ENAH: variants seen among roughly 807,000 people sequenced by gnomAD.
ENAH encodes protein enabled homolog.
Under a neutral mutation model 78.7 loss-of-function variants are expected in ENAH, and 23 were observed. That is an observed-to-expected ratio of 0.29 (90% CI 0.21 to 0.41). ENAH has a LOEUF of 0.41. Among genes scored for constraint, ENAH ranks in the 10% least tolerant of loss-of-function variants. The pLI, the probability that ENAH is intolerant of heterozygous loss-of-function variation, is 1.00. For missense variants in ENAH, 544 were observed against 691.0 expected, an observed-to-expected ratio of 0.79 and a Z score of 2.39; for synonymous variants, 226 against 241.0, an observed-to-expected ratio of 0.94 and a Z score of 0.58.
chr1:225,517,803 G>T (rs1404960525), intron 5 of ENAH: 1 of 1,551,412 alleles, frequency 6.4e-7, no homozygotes, highest in Admixed American at 2.0e-5. Flanking sequence ...GTGTCGCTGA[G>T]TGTCGCAGTG....
intron 3 of ENAH, among the ~76,000 whole-genome samples, chr1:225,546,635 G>C (rs556464441): frequency 1.3e-5 from 2 of 152,152 alleles, no homozygotes; most frequent in African/African-American, 4.8e-5. Flanking sequence ...CTAAGGAAGC[G>C]GCTGAAAATT....
chr1:225,651,250 C>T (rs1253100052), intron 1 of ENAH, among the ~76,000 whole-genome samples: 1 of 151,980 alleles, frequency 6.6e-6, no homozygotes, highest in Non-Finnish European at 1.5e-5. Flanking sequence ...CCACATTAAA[C>T]TCACTCTTTA....
chr1:225,533,614 T>C (rs2096548297), intron 3 of ENAH, among the ~76,000 whole-genome samples: 1 of 152,124 alleles, frequency 6.6e-6, no homozygotes, highest in Non-Finnish European at 1.5e-5. Context: ...TCTTAATTTG[T>C]CCTGGCTACA....
intron 2 of ENAH, among the ~76,000 whole-genome samples, chr1:225,557,891 G>A (rs1291277950): frequency 5.9e-5 from 9 of 151,920 alleles, no homozygotes; most frequent in Admixed American, 5.9e-4. Context: ...CTTTTATCTG[G>A]GGAAAAACCC....
At chr1:225,595,629 GCTGA>G (rs1459871717) in intron 1 of ENAH, among the ~76,000 whole-genome samples, 8 of 152,160 alleles carry the variant, frequency 5.3e-5, no homozygotes, top group East Asian at 1.9e-4. Flanking sequence ...ATTTGTAGCA[GCTGA>G]CTATCAGCTG....
Position 225,494,285 on chromosome 1 carries a change from A to G in ENAH, c.*3490T>C, listed in dbSNP as rs1339333496. The G allele has an allele frequency of 6.6e-6, 1 of 152,060 alleles. No homozygotes were observed. Among genetic ancestry groups the G allele is most frequent in the African/African-American group, 2.4e-5 (1 of 41,394 alleles). 9.4% of individuals were successfully genotyped at this position (152,060 alleles called of 1,614,324 possible). The stretch of plus-strand genomic sequence containing the variant: ...TTATAAAATGGAACTCAAAATTAAT[A>G]CTTTATAATAGAGAAAAAGTACTAC... On this transcript the variant is annotated 3_prime_UTR_variant, in exon 14 of 14. Transcript: ENST00000366843.
intron 4 of ENAH, 143 bp from the exon 5 acceptor site, chr1:225,519,708 C>T: frequency 8.0e-7 from 1 of 1,256,898 alleles, no homozygotes; most frequent in South Asian, 1.5e-5. Flanking sequence ...CACATGAAGG[C>T]TACCTTGGAT....
chr1:225,640,272 CAT>C (rs1302028142), intron 1 of ENAH, among the ~76,000 whole-genome samples: 16 of 152,300 alleles, frequency 1.1e-4, no homozygotes, highest in East Asian at 3.9e-4. Flanking sequence ...TAATTTAACA[CAT>C]AGTTGCAACC....
intron 4 of ENAH, among the ~76,000 whole-genome samples, chr1:225,529,071 C>T (rs1320229226): frequency 2.0e-5 from 3 of 152,196 alleles, no homozygotes; most frequent in African/African-American, 7.2e-5. Flanking sequence ...CACAACACTG[C>T]ACCTGCCTCA....
chr1:225,528,514 G>A (rs1421613865), intron 4 of ENAH, among the ~76,000 whole-genome samples: 1 of 152,180 alleles, frequency 6.6e-6, no homozygotes, highest in Non-Finnish European at 1.5e-5. Context: ...GAGATGACAA[G>A]ACAGGAGTGT....
At chr1:225,564,060 C>T (rs2096722191) in intron 2 of ENAH, among the ~76,000 whole-genome samples, 2 of 151,780 alleles carry the variant, frequency 1.3e-5, no homozygotes, top group Non-Finnish European at 2.9e-5. Flanking sequence ...TTCTTTTTTT[C>T]ATTCCTAAAA....
chr1:225,514,861 G>T lies in ENAH; in HGVS notation c.953C>A (p.Pro318Gln), dbSNP rs766756639. 2.5e-6 allele frequency: 4 copies of T among 1,604,828 alleles called. No individual in the cohort carries two copies. The South Asian group carries it at 4.5e-5, about 18-fold the overall frequency. ...LGPLAPPPPP[P>Q]LPPGPAQASV... ...AGCCTGTGCAGGCCCTGGTGGGAGT[G>T]GTGGAGGAGGTGGAGGTGCAAGTGG... is the stretch of plus-strand genomic sequence containing the variant. Residue 318 changes from proline (P) to glutamine (Q), a missense_variant, in exon 7 of 14, where the codon CCA (proline) becomes CAA (glutamine). Pro to Gln is a moderately conservative substitution (Grantham distance 76). Coordinates refer to ENST00000366843, the MANE Select transcript of ENAH (RefSeq NM_018212.6).
chr1:225,633,030 A>C (rs1200084521), intron 1 of ENAH, among the ~76,000 whole-genome samples: 2 of 148,672 alleles, frequency 1.3e-5, no homozygotes, highest in African/African-American at 5.0e-5. Context: ...TTAAACTGTC[A>C]CTCAAAGTCT....
At position 225,488,377 on chromosome 1, in the gene ENAH, T is replaced by A. The variant is rs929165016; in HGVS notation, c.*9398A>T. On this transcript the variant is annotated 3_prime_UTR_variant, in exon 14 of 14. Coordinates refer to ENST00000366843, the MANE Select transcript of ENAH (RefSeq NM_018212.6). ...GCAACAGAAAGCTTCCAATGAGAAC[T>A]CAGAAGGCATTCACTCTGCCTGAAG... The A allele has an allele frequency of 1.3e-5, 2 of 152,056 alleles. No homozygotes were observed. Among genetic ancestry groups the A allele is most frequent in the African/African-American group, 2.4e-5 (1 of 41,394 alleles). The allele number at this position is 152,056 out of a possible 1,614,324, so 9.4% of individuals were successfully genotyped here.
rs1558744429 is a variant in ENAH, at chr1:225,519,386, T to C, written c.614A>G (p.Glu205Gly). ...CTGCCGCTCCAGGCGTTCCTGCCGC[T>C]CCAGGCGTTCCTGCCGTTCCCGTTC... ...RQERERQERL[E>G]RQERLERQER... Residue 205 changes from glutamate (E) to glycine (G), a missense_variant, in exon 5 of 14, where the codon GAG becomes GGG. Glu to Gly is a moderately conservative substitution (Grantham distance 98, BLOSUM62 -2). Transcript: ENST00000366843. 1 of 1,612,650 alleles carries C rather than the reference T, an allele frequency of 6.2e-7. No homozygotes were observed. The highest frequency in any genetic ancestry group is 1.1e-5 in the South Asian group (1 of 91,052).
chr1:225,643,553 A>C lies in ENAH; in HGVS notation c.5+9133T>G, dbSNP rs531230035. Among the ~76,000 whole-genome samples, 10 of 152,320 alleles carry C rather than the reference A, an allele frequency of 6.6e-5. No individual in the cohort carries two copies. The South Asian group carries it at 2.1e-3, about 32-fold the overall frequency. On this transcript the variant is annotated intron_variant, in intron 1 of 13. Coordinates refer to ENST00000366843, the MANE Select transcript of ENAH (RefSeq NM_018212.6). ...AATAATGGAACAAATCTAAAAGTCCATCTTTAAGATTTAAGTAGACAAAGT... is the reference window on the plus strand; with the variant it reads ...AATAATGGAACAAATCTAAAAGTCCCTCTTTAAGATTTAAGTAGACAAAGT...
In ENAH at chr1:225,495,071, C is replaced by T. The variant is rs2096243060; in HGVS notation, c.*2704G>A. The T allele has an allele frequency of 6.6e-6, 1 of 152,602 alleles. No homozygotes were observed. 9.5% of individuals were successfully genotyped at this position (152,602 alleles called of 1,614,324 possible). ...TATTCTGAAGAGATTTCAGCACCAG[C>T]ACTAAGATTTGTACATTCAGTTTGT... On this transcript the variant is annotated 3_prime_UTR_variant, in exon 14 of 14. Transcript: ENST00000366843.
chr1:225,554,898 C>T lies in ENAH; in HGVS notation c.349+8G>A, dbSNP rs2096658965. The T allele has an allele frequency of 6.6e-7, 1 of 1,514,396 alleles. No homozygotes were observed. Among genetic ancestry groups the T allele is most frequent in the African/African-American group, 1.4e-5 (1 of 73,718 alleles). The allele number at this position is 1,514,396 out of a possible 1,614,324, so 93.8% of individuals were successfully genotyped here. On this transcript the variant is annotated splice_region_variant and intron_variant, in intron 3 of 13. Transcript: ENST00000366843. ...AAAGAAAATACAAATAAACCATGGGCACCTTACCTGTTTCCTGTGAATTTA... is the reference window on the plus strand; with the variant it reads ...AAAGAAAATACAAATAAACCATGGGTACCTTACCTGTTTCCTGTGAATTTA...
At chr1:225,621,753 G>A (rs894877787) in intron 1 of ENAH, among the ~76,000 whole-genome samples, 9 of 151,938 alleles carry the variant, frequency 5.9e-5, no homozygotes, top group Non-Finnish European at 1.2e-4. Context: ...TAAATCCCAA[G>A]CAGTCACTCC....
Sources: allele counts gnomAD v4.1 joint callset (sites outside exome capture counted in the v4.1 genomes callset), GRCh38; gene constraint gnomAD v4.1.1; transcripts MANE v1.5; gene names NCBI Gene and HGNC (gene_info 2026-07-23, HGNC 2026-07-21).